Variants in ACBD5 observed in about 807,000 individuals in gnomAD.
ACBD5 encodes the protein acyl-CoA-binding domain-containing protein 5.
A neutral mutation model predicts 71.8 loss-of-function variants in ACBD5; 40 were observed. The ratio of observed to expected loss-of-function variants is 0.56; its 90% confidence interval spans 0.43 to 0.72. The LOEUF (loss-of-function observed/expected upper bound fraction) is 0.72. Among genes scored for constraint, ACBD5 ranks in the 30% least tolerant of loss-of-function variants. The pLI is 0.00. For missense variants in ACBD5, 559 were observed against 644.5 expected (o/e 0.87, Z 1.44); for synonymous variants, 229 against 218.6 (o/e 1.05, Z -0.42).
rs2059350799 is a variant in ACBD5 at position 27,196,003 on chromosome 10, G to A, written c.*1427C>T. On this transcript the variant is annotated 3_prime_UTR_variant, in exon 13 of 13. Transcript: ENST00000396271. ...AGATCACCTGAGGTTGGGAGTTTGA[G>A]ATCAGCCTTACCAACATGGAGAAAC... is the stretch of plus-strand genomic sequence containing the variant. 2.4e-6 allele frequency: 1 copy of A among 421,092 alleles called. No individual in the cohort carries two copies. Among genetic ancestry groups the A allele is most frequent in the East Asian group, 7.0e-5 (1 of 14,238 alleles). 26.1% of individuals were successfully genotyped at this position (421,092 alleles called of 1,614,324 possible). A position where few individuals can be genotyped will look rare whatever the true frequency, so the allele number is the denominator to read the frequency against.
chr10:27,199,798 T>TC lies in ACBD5; in HGVS notation c.1566-2357_1566-2356insG, dbSNP rs1385367473. Among the ~76,000 whole-genome samples the TC allele has an allele frequency of 2.0e-5, 3 of 152,036 alleles. No homozygotes were observed. In the East Asian group the frequency reaches 5.8e-4, roughly 29 times the overall value. ...TGGGCAGGCTGCTTAAGAAAACTGG[T>TC]TAGACGAGACTATCCTGGCCGTCTC... On this transcript the variant is annotated intron_variant, in intron 12 of 12. Coordinates refer to ENST00000396271, the MANE Select transcript of ACBD5 (RefSeq NM_145698.5).
chr10:27,187,893 T>C (rs938827698), intron 13 of ACBD5, among the ~76,000 whole-genome samples: 1 of 152,336 alleles, frequency 6.6e-6, no homozygotes, highest in East Asian at 1.9e-4. Context: ...CAGAAACAGA[T>C]TGGTCCTTAA....
At chr10:27,215,914 G>A (rs1183903575) in intron 7 of ACBD5, among the ~76,000 whole-genome samples, 1 of 151,840 alleles carries the variant, frequency 6.6e-6, no homozygotes, top group Non-Finnish European at 1.5e-5. Context: ...TGCTCTTGTG[G>A]CCCAGGCTGG....
At chr10:27,235,000 C>T (rs1009772708) in intron 3 of ACBD5, 92 bp downstream of exon 3, 1 of 1,337,700 alleles carries the variant, frequency 7.5e-7, no homozygotes, top group African/African-American at 1.5e-5. Flanking sequence ...ACACTTTCTG[C>T]ACAGAATAAT....
chr10:27,237,926 C>CT lies in ACBD5; in HGVS notation c.181+2392dup, dbSNP rs1046493556. 3.5e-4 allele frequency among the ~76,000 whole-genome samples: 52 copies of CT among 147,494 alleles called. 1 individual carries two copies. The highest frequency in any genetic ancestry group is 1.7e-3 in the Admixed American group (25 of 14,738). ...CACCACGCCTGGCCTGATAGGGTAT[C>CT]TTTTTTTTTAAATTTAATTTAATTT... is the stretch of plus-strand genomic sequence containing the variant. On this transcript the variant is annotated intron_variant, in intron 2 of 12. Coordinates refer to ENST00000396271, the MANE Select transcript of ACBD5 (RefSeq NM_145698.5).
chr10:27,207,131 C>T (rs928471125), intron 10 of ACBD5, among the ~76,000 whole-genome samples: 1 of 151,782 alleles, frequency 6.6e-6, no homozygotes, highest in Non-Finnish European at 1.5e-5. Context: ...CAAAAATTAG[C>T]TGGGCATGGT....
chr10:27,218,806 G>A (rs1212468886), intron 6 of ACBD5, among the ~76,000 whole-genome samples: 4 of 151,868 alleles, frequency 2.6e-5, no homozygotes, highest in Non-Finnish European at 5.9e-5. Flanking sequence ...GGCTGGTCTC[G>A]AACTCCCAAC....
At chr10:27,213,665 G>A (rs2061338397) in intron 8 of ACBD5, among the ~76,000 whole-genome samples, 1 of 152,032 alleles carries the variant, frequency 6.6e-6, no homozygotes, top group East Asian at 1.9e-4. Flanking sequence ...GCTGAAGCAG[G>A]AGAATCACTT....
chr10:27,194,126 C>T (rs1308126068), downstream of ACBD5, among the ~76,000 whole-genome samples: 1 of 151,952 alleles, frequency 6.6e-6, no homozygotes, highest in East Asian at 1.9e-4. Context: ...TGGCATATGC[C>T]TGTAATCCCA....
At chr10:27,228,815 A>ATTT (rs1167438554) in intron 4 of ACBD5, among the ~76,000 whole-genome samples, 10 of 20,366 alleles carry the variant, frequency 4.9e-4, no homozygotes, top group African/African-American at 9.3e-4. Flanking sequence ...ATATATATAT[A>ATTT]TTTTTTTTTT....
chr10:27,196,209 A>C lies in ACBD5; in HGVS notation c.*1221T>G, dbSNP rs749300826. The C allele has an allele frequency of 6.6e-6, 3 of 453,812 alleles. No individual in the cohort carries two copies. The highest frequency in any genetic ancestry group is 1.6e-5 in the South Asian group (1 of 64,376). 28.1% of individuals were successfully genotyped at this position (453,812 alleles called of 1,614,324 possible). Reference sequence around the variant, plus strand: ...GAGAGAAACTCCATTTAAAAAAAAAAATTATTTGTTACAAAGACTGCATCA... The same window carrying C: ...GAGAGAAACTCCATTTAAAAAAAAACATTATTTGTTACAAAGACTGCATCA... On this transcript the variant is annotated 3_prime_UTR_variant, in exon 13 of 13. Coordinates refer to ENST00000396271, the MANE Select transcript of ACBD5 (RefSeq NM_145698.5).
intron 11 of ACBD5, 116 bp downstream of exon 11, chr10:27,205,082 G>T (rs954503536): frequency 1.1e-5 from 10 of 933,382 alleles, no homozygotes; most frequent in Non-Finnish European, 1.5e-5. Flanking sequence ...AGCTGAGATC[G>T]CACCACTGCA....
downstream of ACBD5, among the ~76,000 whole-genome samples, chr10:27,192,591 G>A (rs900024706): frequency 6.6e-6 from 1 of 152,112 alleles, no homozygotes; most frequent in East Asian, 1.9e-4. Context: ...AGGGAAGAGG[G>A]GAGGGGACAG....
chr10:27,208,499 A>G lies in ACBD5; in HGVS notation c.1205-54T>C. 11 of 1,581,208 alleles carry G rather than the reference A, an allele frequency of 7.0e-6. No individual in the cohort carries two copies. The South Asian group carries it at 1.1e-4, about 16-fold the overall frequency. On this transcript the variant is annotated intron_variant, in intron 9 of 12. Transcript: ENST00000396271. ...TTTAAATAATTCTTATACAAGTAAAACTGTGTTTTATTCATTTTCCTCTGT... is the reference window on the plus strand; with the variant it reads ...TTTAAATAATTCTTATACAAGTAAAGCTGTGTTTTATTCATTTTCCTCTGT...
chr10:27,219,183 T>A (rs900501878), intron 6 of ACBD5, among the ~76,000 whole-genome samples: 3 of 151,942 alleles, frequency 2.0e-5, no homozygotes, highest in African/African-American at 7.3e-5. Flanking sequence ...ATGCCTGTAA[T>A]CCCAGCTAAT....
chr10:27,189,997 T>C (rs2059013046), intron 13 of ACBD5, among the ~76,000 whole-genome samples: 1 of 152,008 alleles, frequency 6.6e-6, no homozygotes, highest in African/African-American at 2.4e-5. Flanking sequence ...TAATAATTGT[T>C]TTTTAGGCTG....
At position 27,219,932 on chromosome 10, in the gene ACBD5, A is replaced by G. The variant is rs12571272; in HGVS notation, c.491-75T>C. ...GTCATAATTTCCAAGTAATACTAATAAAATTTACAAATAACTAATAAAATA... is the reference window on the plus strand; with the variant it reads ...GTCATAATTTCCAAGTAATACTAATGAAATTTACAAATAACTAATAAAATA... On this transcript the variant is annotated intron_variant, in intron 5 of 12. Coordinates refer to ENST00000396271, the MANE Select transcript of ACBD5 (RefSeq NM_145698.5). The G allele has an allele frequency of 0.065, 87,363 of 1,343,562 alleles. 5,013 individuals are homozygous for G. Among genetic ancestry groups the G allele is most frequent in the Admixed American group, 0.21 (10,208 of 49,742 alleles). 83.2% of individuals were successfully genotyped at this position (1,343,562 alleles called of 1,614,324 possible). A position where few individuals can be genotyped will look rare whatever the true frequency, so the allele number is the denominator to read the frequency against.
Position 27,199,040 on chromosome 10 carries a change from C to T in ACBD5, c.1566-1598G>A, listed in dbSNP as rs539786696. On this transcript the variant is annotated intron_variant, in intron 12 of 12. Coordinates refer to ENST00000396271, the MANE Select transcript of ACBD5 (RefSeq NM_145698.5). ...AGGAGAATCGCTTGAACCTGGGAGG[C>T]GGAGGTTGCAGTGAGCTGAGATCGG... is the stretch of plus-strand genomic sequence containing the variant. Among the ~76,000 whole-genome samples, 4 of 151,596 alleles carry T rather than the reference C, an allele frequency of 2.6e-5. No individual in the cohort carries two copies. In the South Asian group the frequency reaches 6.3e-4, roughly 24 times the overall value.
intron 8 of ACBD5, among the ~76,000 whole-genome samples, chr10:27,211,317 GT>G (rs1434089325): frequency 1.3e-5 from 2 of 151,870 alleles, no homozygotes; most frequent in Non-Finnish European, 2.9e-5. Flanking sequence ...GTAGTAAATT[GT>G]TTTGTTTGTT....
Sources: gnomAD v4.1 joint callset for allele counts (sites outside exome capture counted in the v4.1 genomes callset) on GRCh38, gnomAD v4.1.1 for gene constraint, MANE v1.5 for transcripts, NCBI Gene and HGNC (gene_info 2026-07-23, HGNC 2026-07-21) for gene names.